LRRC63: variants seen among roughly 807,000 people sequenced by gnomAD.
LRRC63 encodes the protein leucine rich repeat containing 63.
LRRC63 carries 40 observed loss-of-function variants against 49.5 expected under a neutral mutation model. That is an observed-to-expected ratio of 0.81 (90% CI 0.63 to 1.05). LRRC63 has a LOEUF of 1.05. Among genes scored for constraint, LRRC63 ranks in the 50% least tolerant of loss-of-function variants. The probability of loss-of-function intolerance (pLI) is 0.00; values close to 1 mark genes in which losing one functional copy is unlikely to be tolerated. For missense variants in LRRC63, 636 were observed against 663.1 expected, an observed-to-expected ratio of 0.96 and a Z score of 0.45; for synonymous variants, 191 against 221.1, an observed-to-expected ratio of 0.86 and a Z score of 1.21.
intron 9 of LRRC63, chr13:46,269,996 C>A: frequency 2.6e-6 from 1 of 381,852 alleles, no homozygotes; most frequent in South Asian, 2.6e-5. Flanking sequence ...TAGCACTGAA[C>A]CTTATATACA....
intron 7 of LRRC63, among the ~76,000 whole-genome samples, chr13:46,258,686 T>C (rs893040746): frequency 1.3e-5 from 2 of 150,310 alleles, no homozygotes; most frequent in Non-Finnish European, 3.0e-5. Context: ...CGTGTGCCTG[T>C]AATCCCAGCT....
intron 5 of LRRC63, among the ~76,000 whole-genome samples, chr13:46,236,987 G>C (rs1306115837): frequency 6.6e-6 from 1 of 152,120 alleles, no homozygotes; most frequent in Non-Finnish European, 1.5e-5. Context: ...AAACTACATT[G>C]TTGTAAATTT....
At position 46,266,975 on chromosome 13, in the gene LRRC63, G is replaced by C. The variant is rs1368942204; in HGVS notation, c.1550+3G>C. The C allele has an allele frequency of 2.0e-6, 3 of 1,521,198 alleles. No homozygotes were observed. Among genetic ancestry groups the C allele is most frequent in the Middle Eastern group, 1.8e-4 (1 of 5,558 alleles). 94.2% of individuals were successfully genotyped at this position (1,521,198 alleles called of 1,614,324 possible). ...GAAGTTCAGAAGTTACTAAAATGGTGAGCAAATGCTGAAGCCCTTTTAACC... is the reference window on the plus strand; with the variant it reads ...GAAGTTCAGAAGTTACTAAAATGGTCAGCAAATGCTGAAGCCCTTTTAACC... On this transcript the variant is annotated splice_donor_region_variant and intron_variant, in intron 9 of 9. Transcript: ENST00000595396.
intron 2 of LRRC63, among the ~76,000 whole-genome samples, chr13:46,222,308 A>G (rs970184161): frequency 6.6e-6 from 1 of 152,130 alleles, no homozygotes; most frequent in Admixed American, 6.5e-5. Context: ...CTCCCACTCA[A>G]CAAGGTCTTA....
chr13:46,259,680 GA>G (rs1172204017), intron 7 of LRRC63, among the ~76,000 whole-genome samples: 3 of 152,180 alleles, frequency 2.0e-5, no homozygotes, highest in African/African-American at 7.2e-5. Flanking sequence ...CATATCTGAT[GA>G]AAAGGGATAG....
chr13:46,228,219 T>A, intron 3 of LRRC63, 30 bp downstream of exon 3: 1 of 1,442,258 alleles, frequency 6.9e-7, no homozygotes, highest in Non-Finnish European at 9.3e-7. Context: ...GGTATAATTA[T>A]AGAGTCAAGT....
chr13:46,216,402 G>A (rs2046252131), intron 2 of LRRC63, among the ~76,000 whole-genome samples: 1 of 152,172 alleles, frequency 6.6e-6, no homozygotes, highest in Non-Finnish European at 1.5e-5. Context: ...GTTCACTTAT[G>A]ATGTGGCTCT....
intron 2 of LRRC63, among the ~76,000 whole-genome samples, chr13:46,221,030 T>A (rs1273035316): frequency 6.6e-6 from 1 of 152,220 alleles, no homozygotes; most frequent in Non-Finnish European, 1.5e-5. Context: ...CCACTTATTA[T>A]AACTGTTTAC....
At chr13:46,269,162 C>A (rs11618184) in intron 9 of LRRC63, among the ~76,000 whole-genome samples, 14,459 of 150,662 alleles carry the variant, frequency 0.096, 1,187 homozygotes, top group African/African-American at 0.22. Context: ...TAAGCTGATT[C>A]TAAAATGTAT....
chr13:46,261,765 G>T (rs992397272), intron 7 of LRRC63, 144 bp from the exon 8 acceptor site: 2 of 331,920 alleles, frequency 6.0e-6, no homozygotes, highest in African/African-American at 4.2e-5. Flanking sequence ...GTAATTACAC[G>T]ATCTATAATG....
In LRRC63 at chr13:46,246,663, G is replaced by C. The variant is rs1362578062; in HGVS notation, c.1089+38G>C. On this transcript the variant is annotated intron_variant, in intron 6 of 9. Transcript: ENST00000595396. ...TTATTGTTATGTACTGATATAACTTGTCGTGAATAATAATTATAATAAAAA... is the reference window on the plus strand; with the variant it reads ...TTATTGTTATGTACTGATATAACTTCTCGTGAATAATAATTATAATAAAAA... The C allele has an allele frequency of 4.5e-6, 4 of 879,754 alleles. No individual in the cohort carries two copies. The African/African-American group carries it at 5.2e-5, about 12-fold the overall frequency. 54.5% of individuals were successfully genotyped at this position (879,754 alleles called of 1,614,324 possible). A position where few individuals can be genotyped will look rare whatever the true frequency, so the allele number is the denominator to read the frequency against.
chr13:46,214,208 T>A (rs1056851992), intron 2 of LRRC63, among the ~76,000 whole-genome samples: 9 of 152,218 alleles, frequency 5.9e-5, no homozygotes, highest in Admixed American at 1.3e-4. Flanking sequence ...ATTTATACTG[T>A]TCAAATATAC....
chr13:46,249,237 G>A (rs1170330502), intron 6 of LRRC63, among the ~76,000 whole-genome samples: 1 of 151,466 alleles, frequency 6.6e-6, no homozygotes, highest in African/African-American at 2.4e-5. Context: ...GAAAAAAAGG[G>A]CAAACTAAAC....
intron 4 of LRRC63, among the ~76,000 whole-genome samples, chr13:46,232,202 A>T (rs1298492656): frequency 1.3e-5 from 2 of 152,092 alleles, no homozygotes; most frequent in Admixed American, 1.3e-4. Context: ...CATGACCCAA[A>T]CACCTCCCTC....
At chr13:46,237,847 A>T (rs1411275106) in intron 5 of LRRC63, among the ~76,000 whole-genome samples, 1 of 152,180 alleles carries the variant, frequency 6.6e-6, no homozygotes, top group East Asian at 1.9e-4. Context: ...AACCTAGATA[A>T]AATGGAAACA....
chr13:46,271,313 A>T (rs928577263), intron 9 of LRRC63, among the ~76,000 whole-genome samples: 2 of 152,146 alleles, frequency 1.3e-5, no homozygotes, highest in Admixed American at 1.3e-4. Context: ...GTTTAAAAAA[A>T]CCTAACCCGC....
At chr13:46,276,750 G>A in exon 10 of LRRC63, 1 of 1,224,464 alleles carries the variant, frequency 8.2e-7, no homozygotes, top group Non-Finnish European at 1.0e-6. Flanking sequence ...TGTTTTAGAT[G>A]GTAGTCCTAG....
At chr13:46,227,717 T>C in exon 3 of LRRC63, 17 of 1,550,468 alleles carry the variant, frequency 1.1e-5, no homozygotes, top group Non-Finnish European at 1.5e-5. Context: ...AGCATGTCCG[T>C]GAGCAGATTC....
At chr13:46,258,868 A>C (rs1199894470) in intron 7 of LRRC63, among the ~76,000 whole-genome samples, 1 of 152,034 alleles carries the variant, frequency 6.6e-6, no homozygotes, top group Non-Finnish European at 1.5e-5. Context: ...TTATTTTCAC[A>C]GATTAGTCTC....
Sources: allele counts gnomAD v4.1 joint callset (sites outside exome capture counted in the v4.1 genomes callset), GRCh38; gene constraint gnomAD v4.1.1; transcripts MANE v1.5; gene names NCBI Gene and HGNC (gene_info 2026-07-23, HGNC 2026-07-21).